The following TSC22D1 variants were observed in gnomAD, a reference collection of about 807,000 sequenced individuals.
TSC22D1 encodes TSC22 domain family protein 1.
In TSC22D1, 9 loss-of-function variants were observed where a neutral mutation model predicts 74.2. The ratio of observed to expected loss-of-function variants is 0.12; its 90% CI spans 0.07 to 0.21. The LOEUF (loss-of-function observed/expected upper bound fraction) is 0.21. Among genes scored for constraint, TSC22D1 ranks in the 10% least tolerant of loss-of-function variants. TSC22D1 has a pLI of 1.00. For missense variants in TSC22D1, 1,427 were observed against 1,304.7 expected (o/e 1.09, Z -1.44); for synonymous variants, 586 against 492.5 (o/e 1.19, Z -2.51).
intron 1 of TSC22D1, among the ~76,000 whole-genome samples, chr13:44,482,099 C>T (rs577744709): frequency 7.1e-4 from 108 of 152,260 alleles, no homozygotes; most frequent in African/African-American, 2.4e-3. Flanking sequence ...TATGGAAACA[C>T]GTGCATGTTA....
chr13:44,510,219 T>TAA (rs760309642), intron 1 of TSC22D1, among the ~76,000 whole-genome samples: 40 of 130,124 alleles, frequency 3.1e-4, no homozygotes, highest in African/African-American at 9.0e-4. Flanking sequence ...CCCTGTCTAC[T>TAA]AAAAAAAAAA....
intron 1 of TSC22D1, among the ~76,000 whole-genome samples, chr13:44,462,358 C>A (rs1355960386): frequency 1.3e-5 from 2 of 152,144 alleles, no homozygotes; most frequent in Non-Finnish European, 2.9e-5. Context: ...GTTCTATAAA[C>A]TCTACATCAC....
intron 1 of TSC22D1, among the ~76,000 whole-genome samples, chr13:44,562,764 A>G (rs1883128394): frequency 6.6e-6 from 1 of 151,716 alleles, no homozygotes; most frequent in Non-Finnish European, 1.5e-5. Context: ...TACCAAACAT[A>G]TTTGGGACAC....
intron 1 of TSC22D1, among the ~76,000 whole-genome samples, chr13:44,554,735 T>A (rs192059828): frequency 2.0e-4 from 30 of 151,640 alleles, no homozygotes; most frequent in African/African-American, 7.3e-4. Flanking sequence ...AATTTTTATA[T>A]AGATAAATTC....
chr13:44,468,609 G>A (rs1877428293), intron 1 of TSC22D1, among the ~76,000 whole-genome samples: 1 of 149,522 alleles, frequency 6.7e-6, no homozygotes, highest in African/African-American at 2.4e-5. Context: ...AACAAACCAA[G>A]TAATTTTTTG....
intron 1 of TSC22D1, among the ~76,000 whole-genome samples, chr13:44,526,562 AAAAG>A (rs1471368789): frequency 5.9e-5 from 9 of 152,182 alleles, no homozygotes; most frequent in Non-Finnish European, 1.2e-4. Context: ...TCCAAGACAG[AAAAG>A]AAAGAGAGAA....
intron 1 of TSC22D1, among the ~76,000 whole-genome samples, chr13:44,508,107 G>C (rs1165463963): frequency 6.6e-6 from 1 of 152,194 alleles, no homozygotes; most frequent in Non-Finnish European, 1.5e-5. Context: ...AATGGTGCTT[G>C]CAGCTAGGAG....
At position 44,434,304 on chromosome 13, in the gene TSC22D1, AG is replaced by A. The variant is rs1480759680; in HGVS notation, c.*321del. 1 of 1,373,570 alleles carries A rather than the reference AG, an allele frequency of 7.3e-7. No homozygotes were observed. Among genetic ancestry groups the A allele is most frequent in the African/African-American group, 1.5e-5 (1 of 66,634 alleles). The allele number at this position is 1,373,570 out of a possible 1,614,324, so 85.1% of individuals were successfully genotyped here. On this transcript the variant is annotated 3_prime_UTR_variant, in exon 3 of 3. Coordinates refer to ENST00000458659, the MANE Select transcript of TSC22D1 (RefSeq NM_183422.4). ...GAGAGAACCCTTGGAAGTGAGGGGTAGGGAGCCGGAAGGGATGGAAAGGCAC... is the reference window on the plus strand; with the variant it reads ...GAGAGAACCCTTGGAAGTGAGGGGTAGGAGCCGGAAGGGATGGAAAGGCAC...
In TSC22D1 at chr13:44,482,312, A is replaced by G. The variant is rs1463416038; in HGVS notation, c.2913-46217T>C. ...CACTTCGGGAGGCTGAGGCAAGTGG[A>G]TCACCTGAGGTCAGGAGTTCGAGAC... On this transcript the variant is annotated intron_variant, in intron 1 of 2. Transcript: ENST00000458659. 8.5e-5 allele frequency among the ~76,000 whole-genome samples: 13 copies of G among 152,306 alleles called. No individual in the cohort carries two copies. In the East Asian group the frequency reaches 1.7e-3, roughly 20 times the overall value.
chr13:44,539,568 TTTAA>T (rs1881345218), intron 1 of TSC22D1: 3 of 985,418 alleles, frequency 3.0e-6, no homozygotes, highest in Non-Finnish European at 3.6e-6. Context: ...CATCCACTGC[TTTAA>T]TTATCTGGAG....
chr13:44,481,838 C>A (rs1878192396), intron 1 of TSC22D1, among the ~76,000 whole-genome samples: 1 of 152,140 alleles, frequency 6.6e-6, no homozygotes, highest in African/African-American at 2.4e-5. Flanking sequence ...GGGGGACATG[C>A]AATCTAGGTC....
chr13:44,520,991 T>C (rs1194481294), intron 1 of TSC22D1, among the ~76,000 whole-genome samples: 1 of 152,142 alleles, frequency 6.6e-6, no homozygotes, highest in Non-Finnish European at 1.5e-5. Context: ...ATTAGTCCCT[T>C]TGCAGATGAG....
intron 1 of TSC22D1, among the ~76,000 whole-genome samples, chr13:44,510,418 C>T (rs1250196496): frequency 6.6e-6 from 1 of 151,726 alleles, no homozygotes; most frequent in African/African-American, 2.4e-5. Flanking sequence ...AATGTTCATA[C>T]TCTTCGGCCC....
In TSC22D1 at chr13:44,573,528, T is replaced by G. The variant is rs751682863; in HGVS notation, c.2547A>C (p.Thr849=). Residue 849 remains threonine, a synonymous_variant, in exon 1 of 3, where the codon ACA becomes ACC. Transcript: ENST00000458659. The part of the protein sequence containing the change: ...TGPSGMPSAP[T]NLVPPQNIAQ... Reference sequence around the variant, plus strand: ...CTATATTTTGTGGTGGAACCAAGTTTGTTGGGGCAGAAGGCATTCCAGAAG... The same window carrying G: ...CTATATTTTGTGGTGGAACCAAGTTGGTTGGGGCAGAAGGCATTCCAGAAG... 26 of 1,614,208 alleles carry G rather than the reference T, an allele frequency of 1.6e-5. 1 individual carries two copies. The Middle Eastern group carries it at 2.5e-3, about 154-fold the overall frequency.
intron 1 of TSC22D1, among the ~76,000 whole-genome samples, chr13:44,564,709 A>G (rs1203991824): frequency 6.6e-6 from 1 of 152,218 alleles, no homozygotes; most frequent in East Asian, 1.9e-4. Context: ...AGTTACCTGA[A>G]CAGATTTCCA....
intron 1 of TSC22D1, among the ~76,000 whole-genome samples, chr13:44,453,122 T>C (rs566085278): frequency 3.3e-5 from 5 of 152,354 alleles, no homozygotes; most frequent in South Asian, 2.1e-4. Flanking sequence ...TGTAAAGTTA[T>C]CTCAGCAAAC....
Position 44,575,046 on chromosome 13 carries a change from A to G in TSC22D1, c.1029T>C (p.Ile343=). The G allele has an allele frequency of 6.2e-7, 1 of 1,614,194 alleles. No individual in the cohort carries two copies. The highest frequency in any genetic ancestry group is 8.5e-7 in the Non-Finnish European group (1 of 1,180,044). ...LGNVNISTSN[I]PSAAGVSVGP... is the part of the protein sequence containing the mutation. ...CAACACTCACACCAGCAGCACTAGG[A>G]ATATTGCTTGTACTTATATTAACAT... Residue 343 remains isoleucine, a synonymous_variant, in exon 1 of 3, where the codon ATT becomes ATC. Transcript: ENST00000458659.
chr13:44,444,859 CAT>C (rs1327462584), intron 1 of TSC22D1, among the ~76,000 whole-genome samples: 7 of 152,116 alleles, frequency 4.6e-5, no homozygotes, highest in Non-Finnish European at 8.8e-5. Flanking sequence ...CCAAAACTCA[CAT>C]GAGAAGAAAC....
chr13:44,487,259 G>A (rs1383276765), intron 1 of TSC22D1, among the ~76,000 whole-genome samples: 1 of 151,930 alleles, frequency 6.6e-6, no homozygotes, highest in African/African-American at 2.4e-5. Flanking sequence ...AGCACTTTGG[G>A]AGGCCAAGGC....
Sources: gnomAD v4.1 joint callset for allele counts (sites outside exome capture counted in the v4.1 genomes callset) on GRCh38, gnomAD v4.1.1 for gene constraint, MANE v1.5 for transcripts, NCBI Gene and HGNC (gene_info 2026-07-23, HGNC 2026-07-21) for gene names.